The following GNG2 variants were observed in gnomAD, a reference collection of about 807,000 sequenced individuals.
GNG2 encodes G protein subunit gamma 2.
GNG2 carries 5 observed loss-of-function variants against 5.5 expected under a neutral mutation model. The ratio of observed to expected loss-of-function variants is 0.91; its 90% CI spans 0.48 to 1.92. GNG2 has a LOEUF of 1.92. Ranked by LOEUF, GNG2 falls within the 30% of genes most tolerant of loss-of-function variation. The pLI is 0.01. For synonymous variants in GNG2, 28 were observed against 32.0 expected (o/e 0.88, Z 0.42); for missense variants, 55 against 88.4 (o/e 0.62, Z 1.52).
intron 1 of GNG2, chr14:51,861,322 A>G (rs1882464004): frequency 6.6e-6 from 1 of 152,168 alleles, no homozygotes; most frequent in African/African-American, 2.4e-5. Context: ...CCATTAAAAA[A>G]CAGTGTCTTC....
chr14:51,879,948 G>A (rs1314020312), intron 2 of GNG2, among the ~76,000 whole-genome samples: 3 of 152,160 alleles, frequency 2.0e-5, no homozygotes, highest in African/African-American at 7.2e-5. Flanking sequence ...CTTCAGAAAG[G>A]TAGAAATGCT....
chr14:51,949,076 G>A (rs573576038), intron 2 of GNG2, among the ~76,000 whole-genome samples: 75 of 149,744 alleles, frequency 5.0e-4, no homozygotes, highest in Non-Finnish European at 7.2e-4. Flanking sequence ...AGCCGAGATC[G>A]CGCCACTGCA....
intron 3 of GNG2, chr14:51,951,925 G>T (rs1888999498): frequency 1.4e-6 from 1 of 701,804 alleles, no homozygotes; most frequent in South Asian, 1.5e-5. Flanking sequence ...ATGGTTCTCA[G>T]CTCATCTGTG....
intron 2 of GNG2, among the ~76,000 whole-genome samples, chr14:51,921,659 T>C (rs985760440): frequency 3.9e-5 from 6 of 152,214 alleles, no homozygotes; most frequent in Admixed American, 3.9e-4. Context: ...GCTTACTTCA[T>C]AATGCTTTCA....
intron 2 of GNG2, among the ~76,000 whole-genome samples, chr14:51,937,623 A>ATTTTTTTTTTTTTTTTT (rs60571273): frequency 1.5e-5 from 2 of 133,582 alleles, no homozygotes; most frequent in Non-Finnish European, 1.5e-5. Context: ...GAAATACATA[A>ATTTTTTTTTTTTTTTTT]TTTTTTTTTT....
At chr14:51,858,435 T>C (rs1341534260), upstream of GNG2, among the ~76,000 whole-genome samples, 1 of 152,178 alleles carries the variant, frequency 6.6e-6, no homozygotes, top group Admixed American at 6.5e-5. Context: ...GCAGGCAAAA[T>C]TCCTAGAGAT....
chr14:51,879,055 T>G (rs533246705), intron 2 of GNG2, among the ~76,000 whole-genome samples: 1 of 152,350 alleles, frequency 6.6e-6, no homozygotes, highest in African/African-American at 2.4e-5. Context: ...CTTCCAGTCA[T>G]TGTGACATCC....
At chr14:51,939,679 TC>T (rs1323599147) in intron 2 of GNG2, 1 of 152,214 alleles carries the variant, frequency 6.6e-6, no homozygotes. Context: ...AATATGTTGC[TC>T]CCTTGGGTTA....
At chr14:51,943,858 A>C (rs943958684) in intron 2 of GNG2, among the ~76,000 whole-genome samples, 4 of 152,242 alleles carry the variant, frequency 2.6e-5, no homozygotes, top group African/African-American at 9.6e-5. Context: ...TTAAAATGTC[A>C]ATGCTAGCCA....
chr14:51,827,196 G>A (rs552180433), intron 1 of GNG2, among the ~76,000 whole-genome samples: 13 of 152,276 alleles, frequency 8.5e-5, no homozygotes, highest in South Asian at 4.1e-4. Context: ...AGAAGGGCAC[G>A]GGCACAGATG....
At chr14:51,897,241 A>G (rs1885256051) in intron 2 of GNG2, among the ~76,000 whole-genome samples, 1 of 152,220 alleles carries the variant, frequency 6.6e-6, no homozygotes, top group African/African-American at 2.4e-5. Flanking sequence ...TGGACAGTCC[A>G]GGTCAATCTA....
At chr14:51,942,589 C>CTT (rs56883654) in intron 2 of GNG2, among the ~76,000 whole-genome samples, 8 of 81,144 alleles carry the variant, frequency 9.9e-5, no homozygotes, top group African/African-American at 3.6e-4. Flanking sequence ...TTCTTTCTTT[C>CTT]TTTTTTTTTT....
intron 2 of GNG2, among the ~76,000 whole-genome samples, chr14:51,937,716 G>A (rs1169844376): frequency 7.6e-5 from 10 of 130,954 alleles, no homozygotes; most frequent in South Asian, 2.8e-4. Context: ...ATGCTGGTGC[G>A]CTGCACCCAC....
chr14:51,888,346 A>G (rs1270269651), intron 2 of GNG2, among the ~76,000 whole-genome samples: 1 of 152,002 alleles, frequency 6.6e-6, no homozygotes. Context: ...TGAGACAAGG[A>G]CTTCCTTTGT....
At chr14:51,941,379 G>C (rs1160445155) in intron 2 of GNG2, among the ~76,000 whole-genome samples, 1 of 152,188 alleles carries the variant, frequency 6.6e-6, no homozygotes, top group Non-Finnish European at 1.5e-5. Context: ...AAGTGACTGA[G>C]AGACTATAAA....
chr14:51,877,881 T>G, intron 2 of GNG2: 1 of 273,796 alleles, frequency 3.7e-6, no homozygotes, highest in Non-Finnish European at 7.3e-6. Flanking sequence ...TTCATTTTCT[T>G]CTAAAAACCT....
At chr14:51,947,886 CAAT>C (rs1241484517) in intron 2 of GNG2, among the ~76,000 whole-genome samples, 2 of 152,300 alleles carry the variant, frequency 1.3e-5, no homozygotes, top group East Asian at 3.9e-4. Context: ...GAGAACCCCT[CAAT>C]AATGGTGGCA....
intron 2 of GNG2, among the ~76,000 whole-genome samples, chr14:51,888,237 C>G (rs939104168): frequency 6.6e-6 from 1 of 152,150 alleles, no homozygotes; most frequent in Non-Finnish European, 1.5e-5. Context: ...GGGTAGTATT[C>G]TATTGTATTG....
At chr14:51,907,282 A>AT (rs1254952078) in intron 2 of GNG2, among the ~76,000 whole-genome samples, 1 of 152,220 alleles carries the variant, frequency 6.6e-6, no homozygotes, top group Admixed American at 6.5e-5. Context: ...TCATTCAGAC[A>AT]TTTTTTAGTT....
Sources: allele counts gnomAD v4.1 joint callset (sites outside exome capture counted in the v4.1 genomes callset), GRCh38; gene constraint gnomAD v4.1.1; transcripts MANE v1.5; gene names NCBI Gene and HGNC (gene_info 2026-07-23, HGNC 2026-07-21).